The following PCSK5 variants were observed in gnomAD, a reference collection of about 807,000 sequenced individuals.
The protein encoded by PCSK5 is proprotein convertase subtilisin/kexin type 5, also known as prohormone convertase 5.
A neutral mutation model predicts 233.2 loss-of-function variants in PCSK5; 129 were observed. That is an observed-to-expected ratio of 0.55 (90% confidence interval 0.48 to 0.64). The LOEUF (loss-of-function observed/expected upper bound fraction) is 0.64. PCSK5 is among the 30% of genes least tolerant of loss of function. The pLI is 0.00. For synonymous variants in PCSK5, 825 were observed against 879.2 expected (o/e 0.94, Z 1.09); for missense variants, 2,076 against 2,430.1 (o/e 0.85, Z 3.06).
intron 30 of PCSK5, among the ~76,000 whole-genome samples, chr9:76,314,062 T>C (rs552877007): frequency 6.6e-6 from 1 of 152,352 alleles, no homozygotes; most frequent in Non-Finnish European, 1.5e-5. Context: ...ATTACCTTTT[T>C]CAACTCTCTC....
At chr9:76,124,832 T>C (rs1192533026) in intron 9 of PCSK5, among the ~76,000 whole-genome samples, 1 of 151,646 alleles carries the variant, frequency 6.6e-6, no homozygotes, top group Non-Finnish European at 1.5e-5. Context: ...CGATTCCACC[T>C]ATCCATGTCA....
chr9:76,128,906 CACAAA>C (rs1256785104), intron 9 of PCSK5, among the ~76,000 whole-genome samples: 4 of 152,272 alleles, frequency 2.6e-5, no homozygotes, highest in Non-Finnish European at 5.9e-5. Context: ...TATTGTAGAA[CACAAA>C]ACAAAACAAA....
At chr9:76,299,544 T>C (rs1828542140) in intron 27 of PCSK5, among the ~76,000 whole-genome samples, 1 of 152,006 alleles carries the variant, frequency 6.6e-6, no homozygotes, top group Admixed American at 6.6e-5. Context: ...TGGTGGTCAG[T>C]ACCTGTAATC....
In PCSK5 at chr9:75,991,696, T is replaced by C. The variant is rs889287271; in HGVS notation, c.411+5451T>C. On this transcript the variant is annotated intron_variant, in intron 3 of 37. Coordinates refer to ENST00000674117, the MANE Select transcript of PCSK5 (RefSeq NM_001372043.1). ...TTTGGCCACGTCTTTGGAAACTCAG[T>C]GTAATAGAATTGGTTTTAAGGTACC... 6.3e-4 allele frequency among the ~76,000 whole-genome samples: 96 copies of C among 152,044 alleles called. 1 individual carries two copies. The highest frequency in any genetic ancestry group is 8.5e-4 in the Non-Finnish European group (58 of 68,018).
intron 3 of PCSK5, among the ~76,000 whole-genome samples, chr9:76,022,808 A>G (rs972951709): frequency 6.6e-6 from 1 of 152,180 alleles, no homozygotes; most frequent in Non-Finnish European, 1.5e-5. Context: ...TGTGTAGGAC[A>G]CCTTTCTGGA....
intron 9 of PCSK5, among the ~76,000 whole-genome samples, chr9:76,119,379 G>A (rs1240273917): frequency 1.3e-5 from 2 of 152,018 alleles, no homozygotes; most frequent in East Asian, 1.9e-4. Flanking sequence ...TCAAATATAT[G>A]TGTCCTTTAT....
chr9:76,052,620 T>G (rs1829670831), intron 5 of PCSK5, among the ~76,000 whole-genome samples: 1 of 152,158 alleles, frequency 6.6e-6, no homozygotes, highest in Non-Finnish European at 1.5e-5. Flanking sequence ...AGATGAGATT[T>G]GGGTGGGGAC....
At chr9:75,980,788 C>G (rs186196142) in intron 2 of PCSK5, among the ~76,000 whole-genome samples, 22 of 148,262 alleles carry the variant, frequency 1.5e-4, no homozygotes, top group Non-Finnish European at 2.8e-4. Context: ...ATGTTTTGAT[C>G]AGAGTTTTTA....
intron 24 of PCSK5, among the ~76,000 whole-genome samples, chr9:76,289,903 C>T (rs1273944156): frequency 1.3e-5 from 2 of 152,062 alleles, no homozygotes; most frequent in Non-Finnish European, 2.9e-5. Context: ...TGGAAAAGTC[C>T]CTGAACTCAA....
At chr9:76,339,634 T>C (rs971198445) in intron 35 of PCSK5, among the ~76,000 whole-genome samples, 1 of 152,138 alleles carries the variant, frequency 6.6e-6, no homozygotes, top group African/African-American at 2.4e-5. Flanking sequence ...AACCTCCGCC[T>C]CCCAGGATCA....
intron 9 of PCSK5, among the ~76,000 whole-genome samples, chr9:76,129,918 A>G (rs1053128950): frequency 6.6e-6 from 1 of 152,090 alleles, no homozygotes; most frequent in African/African-American, 2.4e-5. Context: ...TTTGCAGCTG[A>G]AAACTAGAAA....
chr9:76,323,351 C>A, intron 32 of PCSK5, 63 bp downstream of exon 32: 1 of 926,144 alleles, frequency 1.1e-6, no homozygotes, highest in Non-Finnish European at 1.7e-6. Context: ...CCAGCCCCAG[C>A]GCCAGAGCTG....
chr9:76,299,259 G>C (rs1209651125), intron 27 of PCSK5, among the ~76,000 whole-genome samples: 1 of 152,172 alleles, frequency 6.6e-6, no homozygotes, highest in South Asian at 2.1e-4. Flanking sequence ...TCGACTCTCT[G>C]TTTTTTCAGC....
chr9:75,916,409 A>G (rs1822991792), intron 1 of PCSK5, among the ~76,000 whole-genome samples: 1 of 152,182 alleles, frequency 6.6e-6, no homozygotes, highest in African/African-American at 2.4e-5. Flanking sequence ...CAACCACTCT[A>G]TCCCACCCAC....
At chr9:76,180,087 G>A (rs202119766) in intron 15 of PCSK5, among the ~76,000 whole-genome samples, 41 of 132,602 alleles carry the variant, frequency 3.1e-4, no homozygotes, top group African/African-American at 4.6e-4. Context: ...GTGTGTGTGT[G>A]TATATATATA....
chr9:76,170,940 T>G (rs1823307039), intron 13 of PCSK5, among the ~76,000 whole-genome samples: 1 of 152,184 alleles, frequency 6.6e-6, no homozygotes, highest in African/African-American at 2.4e-5. Flanking sequence ...TGTAATGAGG[T>G]TCATCTTTGT....
At chr9:76,214,387 C>A (rs1423161815) in intron 20 of PCSK5, among the ~76,000 whole-genome samples, 1 of 152,008 alleles carries the variant, frequency 6.6e-6, no homozygotes, top group Non-Finnish European at 1.5e-5. Context: ...AGGGGGGTGC[C>A]ATTTAAACAT....
In PCSK5 at chr9:76,320,465, C is replaced by CTTCTTTTTTTTT. The variant is rs1554720984; in HGVS notation, c.3885-955_3885-954insCTTTTTTTTTTT. Among the ~76,000 whole-genome samples, 88 of 101,990 alleles carry CTTCTTTTTTTTT rather than the reference C, an allele frequency of 8.6e-4. 2 individuals carry two copies. The highest frequency in any genetic ancestry group is 1.3e-3 in the Non-Finnish European group (71 of 53,060). 66.9% of individuals were successfully genotyped at this position (101,990 alleles called of 152,430 possible). On this transcript the variant is annotated intron_variant, in intron 30 of 37. Transcript: ENST00000674117. ...AAGAAAAAAAAAAAGTACATTGTAG[C>CTTCTTTTTTTTT]TTTTTTTTTTTTTTTTTTTTTGAGA...
intron 5 of PCSK5, among the ~76,000 whole-genome samples, chr9:76,033,077 A>G (rs922969400): frequency 1.3e-5 from 2 of 152,192 alleles, no homozygotes; most frequent in African/African-American, 4.8e-5. Flanking sequence ...GTCACACATC[A>G]TTTCTGGTTT....
Sources: gnomAD v4.1 joint callset for allele counts (sites outside exome capture counted in the v4.1 genomes callset) on GRCh38, gnomAD v4.1.1 for gene constraint, MANE v1.5 for transcripts, NCBI Gene and HGNC (gene_info 2026-07-23, HGNC 2026-07-21) for gene names.